BACH2: variants seen among roughly 807,000 people sequenced by gnomAD.
BACH2 encodes BACH transcriptional regulator 2.
Under a neutral mutation model 61.8 loss-of-function variants are expected in BACH2, and 5 were observed. The observed-to-expected ratio is 0.08, with a 90% CI of 0.04 to 0.17. The LOEUF (loss-of-function observed/expected upper bound fraction) is 0.17. Among genes scored for constraint, BACH2 ranks in the 10% least tolerant of loss-of-function variants. The pLI, the probability that BACH2 is intolerant of heterozygous loss-of-function variation, is 1.00. For synonymous variants in BACH2, 446 were observed against 440.1 expected, an observed-to-expected ratio of 1.01 and a Z score of -0.17; for missense variants, 824 against 1,091.1, an observed-to-expected ratio of 0.76 and a Z score of 3.45.
chr6:90,065,558 A>C (rs909100811), intron 5 of BACH2, among the ~76,000 whole-genome samples: 3 of 152,068 alleles, frequency 2.0e-5, no homozygotes, highest in African/African-American at 7.2e-5. Context: ...GCTGTGTTCC[A>C]ATAAAACCCT....
At chr6:90,062,517 A>G (rs1371516869) in intron 5 of BACH2, among the ~76,000 whole-genome samples, 2 of 152,196 alleles carry the variant, frequency 1.3e-5, no homozygotes, top group Non-Finnish European at 2.9e-5. Flanking sequence ...AATTACTTCT[A>G]GGATGCTGTC....
chr6:90,278,623 C>T (rs1444376929), intron 1 of BACH2, among the ~76,000 whole-genome samples: 1 of 152,196 alleles, frequency 6.6e-6, no homozygotes, highest in African/African-American at 2.4e-5. Flanking sequence ...ATGCTCTGTA[C>T]ATTGTAGATA....
At chr6:90,001,817 G>C (rs191187874) in intron 6 of BACH2, among the ~76,000 whole-genome samples, 60 of 152,200 alleles carry the variant, frequency 3.9e-4, no homozygotes, top group Admixed American at 3.9e-3. Flanking sequence ...AGGAAAACTG[G>C]GTGTGGGTGA....
intron 6 of BACH2, among the ~76,000 whole-genome samples, chr6:89,952,554 A>G (rs1277429820): frequency 6.6e-6 from 1 of 152,104 alleles, no homozygotes; most frequent in East Asian, 1.9e-4. Flanking sequence ...CCCATAATGA[A>G]TGGGGGTTGC....
chr6:90,118,097 G>C (rs1783477988), intron 4 of BACH2, among the ~76,000 whole-genome samples: 1 of 152,104 alleles, frequency 6.6e-6, no homozygotes, highest in Non-Finnish European at 1.5e-5. Flanking sequence ...GAGAATGTAA[G>C]GGTCCTTAAA....
intron 7 of BACH2, among the ~76,000 whole-genome samples, chr6:89,941,090 C>G (rs1441476086): frequency 1.3e-5 from 2 of 152,074 alleles, no homozygotes; most frequent in African/African-American, 2.4e-5. Flanking sequence ...AGAAACCAAC[C>G]CCTCGATAGT....
intron 4 of BACH2, among the ~76,000 whole-genome samples, chr6:90,202,083 GCTGT>G (rs2127847986): frequency 6.6e-6 from 1 of 152,320 alleles, no homozygotes; most frequent in East Asian, 1.9e-4. Flanking sequence ...CAGAACAGCA[GCTGT>G]CTTAGATAGA....
At chr6:90,231,781 T>A (rs1582513199) in intron 3 of BACH2, among the ~76,000 whole-genome samples, 1 of 152,256 alleles carries the variant, frequency 6.6e-6, no homozygotes, top group African/African-American at 2.4e-5. Flanking sequence ...CACTGTGTAT[T>A]CTAAGTCCAC....
chr6:90,106,970 G>A (rs1226491184), intron 4 of BACH2, among the ~76,000 whole-genome samples: 1 of 152,160 alleles, frequency 6.6e-6, no homozygotes, highest in African/African-American at 2.4e-5. Context: ...GTTGTTTCTA[G>A]TTCCTTCAAA....
At chr6:90,070,831 T>G (rs781234313) in intron 5 of BACH2, among the ~76,000 whole-genome samples, 9 of 152,258 alleles carry the variant, frequency 5.9e-5, no homozygotes, top group Non-Finnish European at 1.2e-4. Flanking sequence ...ATGCAGCTTT[T>G]GTGTCTCCCC....
chr6:90,181,169 A>G lies in BACH2; in HGVS notation c.-162+25400T>C, dbSNP rs369179996. Among the ~76,000 whole-genome samples the G allele has an allele frequency of 3.3e-5, 5 of 152,266 alleles. No homozygotes were observed. The East Asian group carries it at 9.7e-4, about 29-fold the overall frequency. On this transcript the variant is annotated intron_variant, in intron 4 of 8. Transcript: ENST00000257749. ...AGTGTTCCCTTTTCACTATATGTACATCAATATCTATTGTTTTTTTACTTT... is the reference window on the plus strand; with the variant it reads ...AGTGTTCCCTTTTCACTATATGTACGTCAATATCTATTGTTTTTTTACTTT...
chr6:90,092,510 C>T (rs1782214118), intron 4 of BACH2, among the ~76,000 whole-genome samples: 1 of 151,860 alleles, frequency 6.6e-6, no homozygotes, highest in African/African-American at 2.4e-5. Context: ...CTTTGTTATG[C>T]TGGGCACCCC....
At chr6:90,204,383 C>T (rs1769068266) in intron 4 of BACH2, among the ~76,000 whole-genome samples, 1 of 152,142 alleles carries the variant, frequency 6.6e-6, no homozygotes, top group South Asian at 2.1e-4. Flanking sequence ...AGAGCTGTTT[C>T]CTCCCCAGAG....
At chr6:90,282,970 T>C (rs1201437606) in intron 1 of BACH2, among the ~76,000 whole-genome samples, 1 of 152,244 alleles carries the variant, frequency 6.6e-6, no homozygotes, top group Non-Finnish European at 1.5e-5. Flanking sequence ...GTTAGACTCC[T>C]GTCAACTAAA....
intron 1 of BACH2, among the ~76,000 whole-genome samples, chr6:90,288,248 C>T (rs903884873): frequency 6.6e-6 from 1 of 152,022 alleles, no homozygotes; most frequent in Non-Finnish European, 1.5e-5. Flanking sequence ...AATTCTCACA[C>T]TAAATCAGCA....
intron 6 of BACH2, among the ~76,000 whole-genome samples, chr6:90,004,484 T>C (rs1777300902): frequency 6.6e-6 from 1 of 152,164 alleles, no homozygotes; most frequent in African/African-American, 2.4e-5. Flanking sequence ...CAGAGAAAGG[T>C]GGTGAGACCT....
chr6:90,143,232 G>C (rs1388701766), intron 4 of BACH2, among the ~76,000 whole-genome samples: 2 of 152,208 alleles, frequency 1.3e-5, no homozygotes, highest in Non-Finnish European at 2.9e-5. Context: ...TTGGCAGCTA[G>C]AGAGCTGGGG....
chr6:90,168,175 A>T (rs546822145), intron 4 of BACH2, among the ~76,000 whole-genome samples: 1 of 152,272 alleles, frequency 6.6e-6, no homozygotes, highest in African/African-American at 2.4e-5. Flanking sequence ...CCTGGGCAAC[A>T]TAGTGAGACC....
rs772698292 is a variant in BACH2, at chr6:90,028,426, C to T, written c.-12-19570G>A. Among the ~76,000 whole-genome samples, 12 of 152,334 alleles carry T rather than the reference C, an allele frequency of 7.9e-5. 1 individual carries two copies. The highest frequency in any genetic ancestry group is 2.0e-4 in the Admixed American group (3 of 15,300). ...CTTTGGATACTCTATCCTCCCATTACGGGCTTTTCCTATTTTCTCTCTCTG... is the reference window on the plus strand; with the variant it reads ...CTTTGGATACTCTATCCTCCCATTATGGGCTTTTCCTATTTTCTCTCTCTG... On this transcript the variant is annotated intron_variant, in intron 5 of 8. Coordinates refer to ENST00000257749, the MANE Select transcript of BACH2 (RefSeq NM_021813.4).
Sources: allele counts gnomAD v4.1 joint callset (sites outside exome capture counted in the v4.1 genomes callset), GRCh38; gene constraint gnomAD v4.1.1; transcripts MANE v1.5; gene names NCBI Gene and HGNC (gene_info 2026-07-23, HGNC 2026-07-21).